FBXO34: variants seen among roughly 807,000 people sequenced by gnomAD.
FBXO34 encodes F-box only protein 34.
A neutral mutation model predicts 24.5 loss-of-function variants in FBXO34; 12 were observed. That is an observed-to-expected ratio of 0.49 (90% CI 0.31 to 0.79). FBXO34 has a LOEUF of 0.79. FBXO34 is among the 30% of genes least tolerant of loss of function. The pLI, the probability that FBXO34 is intolerant of heterozygous loss-of-function variation, is 0.04. For missense variants in FBXO34, 823 were observed against 857.7 expected (o/e 0.96, Z 0.51); for synonymous variants, 320 against 311.9 (o/e 1.03, Z -0.27).
the FBXO34 span, among the ~76,000 whole-genome samples, chr14:55,378,622 C>A: frequency 6.6e-6 from 1 of 152,118 alleles, no homozygotes; most frequent in Non-Finnish European, 1.5e-5. Context: ...TTCCTCCCTC[C>A]CTCCCTCAGT....
the FBXO34 span, chr14:55,424,039 C>T: frequency 6.2e-6 from 4 of 644,010 alleles, no homozygotes; most frequent in Non-Finnish European, 1.1e-5. Context: ...ATTTTTCATT[C>T]CAGGTATTCT....
the FBXO34 span, among the ~76,000 whole-genome samples, chr14:55,422,125 A>G: frequency 6.6e-6 from 1 of 152,204 alleles, no homozygotes; most frequent in African/African-American, 2.4e-5. Context: ...AAGAACAGCC[A>G]CATATGTAAA....
chr14:55,424,276 T>C, the FBXO34 span: 4 of 1,522,046 alleles, frequency 2.6e-6, no homozygotes, highest in East Asian at 2.3e-5. Flanking sequence ...AAAAGGAAAA[T>C]GTTAAAAATA....
intron 1 of FBXO34, among the ~76,000 whole-genome samples, chr14:55,274,025 T>G (rs1239975686): frequency 6.6e-6 from 1 of 152,126 alleles, no homozygotes; most frequent in Non-Finnish European, 1.5e-5. Context: ...AGGCTGGTCA[T>G]GAACTCCTGA....
chr14:55,431,213 C>G, the FBXO34 span, among the ~76,000 whole-genome samples: 14 of 152,300 alleles, frequency 9.2e-5, no homozygotes, highest in Admixed American at 2.0e-4. Flanking sequence ...TCACAACTCA[C>G]TATCCAAAAC....
downstream of FBXO34, among the ~76,000 whole-genome samples, chr14:55,362,723 C>T (rs1043414769): frequency 2.6e-5 from 4 of 152,206 alleles, no homozygotes; most frequent in Non-Finnish European, 4.4e-5. Flanking sequence ...ATCGTTCTTT[C>T]ATCAGCCTTG....
chr14:55,424,235 A>G, the FBXO34 span: 76 of 1,612,932 alleles, frequency 4.7e-5, no homozygotes, highest in Middle Eastern at 5.0e-4. Flanking sequence ...TAAGACCAGG[A>G]AACAGTTCAG....
intron 1 of FBXO34, among the ~76,000 whole-genome samples, chr14:55,339,851 G>T (rs561572744): frequency 1.4e-4 from 22 of 152,268 alleles, no homozygotes; most frequent in African/African-American, 4.6e-4. Context: ...TGCTACTTCA[G>T]TCTTGGTTCA....
chr14:55,379,470 G>A, the FBXO34 span, among the ~76,000 whole-genome samples: 573 of 152,178 alleles, frequency 3.8e-3, 2 homozygotes, highest in Middle Eastern at 0.01. Context: ...TGGGCCTGGG[G>A]AGGGACGGAG....
Position 55,350,535 on chromosome 14 carries a change from C to T in FBXO34, c.145C>T (p.Pro49Ser). The T allele has an allele frequency of 4.3e-6, 7 of 1,613,818 alleles. No individual in the cohort carries two copies. The highest frequency in any genetic ancestry group is 5.9e-6 in the Non-Finnish European group (7 of 1,179,930). ...KASHITSSVF[P>S]SASLGKASSR... ...TAGCCACATAACATCAAGTGTCTTT[C>T]CTTCAGCCTCTCTCGGTAAAGCATC... The change falls in exon 2 of 2, where the codon CCT becomes TCT. Residue 49 changes from proline to serine, a missense_variant. Coordinates refer to ENST00000313833, the MANE Select transcript of FBXO34 (RefSeq NM_017943.4).
intron 1 of FBXO34, among the ~76,000 whole-genome samples, chr14:55,300,594 C>CA (rs34888482): frequency 4.0e-5 from 6 of 151,754 alleles, no homozygotes; most frequent in South Asian, 2.1e-4. Context: ...GACTCCGTCT[C>CA]AAAAAAAAGA....
chr14:55,312,384 T>C (rs1012939707), intron 1 of FBXO34, among the ~76,000 whole-genome samples: 5 of 152,186 alleles, frequency 3.3e-5, no homozygotes, highest in African/African-American at 1.2e-4. Context: ...ATGGCTTTTC[T>C]AGAAGCACGG....
chr14:55,414,475 T>G, the FBXO34 span: 1 of 1,543,992 alleles, frequency 6.5e-7, no homozygotes, highest in South Asian at 1.2e-5. Context: ...AATCCAGGTT[T>G]ATATAATTTT....
the FBXO34 span, among the ~76,000 whole-genome samples, chr14:55,421,755 AC>A: frequency 6.6e-6 from 1 of 152,078 alleles, no homozygotes; most frequent in Non-Finnish European, 1.5e-5. Flanking sequence ...GAGCCACCAT[AC>A]CCAGAAACTT....
intron 1 of FBXO34, among the ~76,000 whole-genome samples, chr14:55,311,989 A>G (rs934029184): frequency 7.9e-5 from 12 of 152,086 alleles, no homozygotes; most frequent in East Asian, 1.9e-4. Flanking sequence ...ATCACGAGGT[A>G]AGGCGTTCGA....
chr14:55,440,568 G>T, the FBXO34 span: 1 of 1,569,986 alleles, frequency 6.4e-7, no homozygotes, highest in Non-Finnish European at 8.6e-7. Flanking sequence ...GGGCAGCGAG[G>T]CGGGGCGGCC....
chr14:55,359,567 A>G (rs1016393650), intron 3 of FBXO34, among the ~76,000 whole-genome samples: 1 of 152,230 alleles, frequency 6.6e-6, no homozygotes, highest in Non-Finnish European at 1.5e-5. Context: ...GTTTGCCTCA[A>G]TATTGATAGC....
intron 1 of FBXO34, among the ~76,000 whole-genome samples, chr14:55,309,787 A>G (rs921413189): frequency 1.3e-5 from 2 of 152,230 alleles, no homozygotes; most frequent in Non-Finnish European, 2.9e-5. Flanking sequence ...AATTAGAAAT[A>G]CATACAAAAC....
At position 55,299,016 on chromosome 14, in the gene FBXO34, G is replaced by A. The variant is rs540903388; in HGVS notation, c.-11+27479G>A. The A allele has an allele frequency of 1.1e-5, 17 of 1,608,648 alleles. No homozygotes were observed. The Middle Eastern group carries it at 5.0e-4, about 47-fold the overall frequency. ...TGATGAGTTAATGCAGGACATTGCT[G>A]ACCAGCAAGAACTTGGGGAGGAGAT... On this transcript the variant is annotated intron_variant, in intron 1 of 1. Coordinates refer to ENST00000313833, the MANE Select transcript of FBXO34 (RefSeq NM_017943.4).
Sources: gnomAD v4.1 joint callset for allele counts (sites outside exome capture counted in the v4.1 genomes callset) on GRCh38, gnomAD v4.1.1 for gene constraint, MANE v1.5 for transcripts, NCBI Gene and HGNC (gene_info 2026-07-23, HGNC 2026-07-21) for gene names.